Variants in PACRG observed in about 807,000 individuals in gnomAD.
The protein encoded by PACRG is parkin coregulated.
In PACRG, 29 loss-of-function variants were observed where a neutral mutation model predicts 29.7. That is an observed-to-expected ratio of 0.98 (90% CI 0.73 to 1.33). The LOEUF (loss-of-function observed/expected upper bound fraction) is 1.33. Ranked by LOEUF, PACRG falls within the 40% of genes most tolerant of loss-of-function variation. PACRG has a pLI of 0.00. For missense variants in PACRG, 279 were observed against 316.2 expected (o/e 0.88, Z 0.89); for synonymous variants, 116 against 118.7 (o/e 0.98, Z 0.15).
intron 2 of PACRG, among the ~76,000 whole-genome samples, chr6:162,861,147 A>G (rs537234689): frequency 5.1e-4 from 78 of 152,352 alleles, no homozygotes; most frequent in Non-Finnish European, 6.5e-4. Flanking sequence ...GAACATTTAA[A>G]TATATAACTT....
chr6:162,773,414 A>G (rs1172496763), intron 1 of PACRG, among the ~76,000 whole-genome samples: 2 of 152,010 alleles, frequency 1.3e-5, no homozygotes, highest in Non-Finnish European at 2.9e-5. Flanking sequence ...AGATATTAAT[A>G]ATACTAGATA....
chr6:163,128,336 G>A (rs1251820264), intron 4 of PACRG, among the ~76,000 whole-genome samples: 1 of 152,186 alleles, frequency 6.6e-6, no homozygotes, highest in Non-Finnish European at 1.5e-5. Context: ...TTACTTAAAG[G>A]CACTAAGTAT....
intron 4 of PACRG, chr6:163,182,839 G>A (rs953957969): frequency 2.1e-4 from 32 of 152,278 alleles, no homozygotes; most frequent in African/African-American, 7.5e-4. Flanking sequence ...TTATTTAATG[G>A]TCTTGACTCT....
intron 4 of PACRG, among the ~76,000 whole-genome samples, chr6:163,210,770 T>C (rs1174864736): frequency 6.6e-6 from 1 of 152,144 alleles, no homozygotes; most frequent in Non-Finnish European, 1.5e-5. Flanking sequence ...AAAGGAAAAC[T>C]CTCTTCAGTT....
At chr6:163,205,400 A>C (rs1008627599) in intron 4 of PACRG, among the ~76,000 whole-genome samples, 1 of 152,188 alleles carries the variant, frequency 6.6e-6, no homozygotes, top group Non-Finnish European at 1.5e-5. Flanking sequence ...GACAGCCCAG[A>C]AATAAGGCTG....
intron 2 of PACRG, among the ~76,000 whole-genome samples, chr6:162,904,581 A>C (rs2128064005): frequency 6.6e-6 from 1 of 152,318 alleles, no homozygotes; most frequent in African/African-American, 2.4e-5. Flanking sequence ...ATGAATGAAG[A>C]AGACTTTTAG....
At chr6:163,210,602 T>A (rs1384628016) in intron 4 of PACRG, among the ~76,000 whole-genome samples, 2 of 152,202 alleles carry the variant, frequency 1.3e-5, no homozygotes, top group Non-Finnish European at 2.9e-5. Context: ...TGCAGAGGCA[T>A]GTTGAAGGGA....
intron 1 of PACRG, among the ~76,000 whole-genome samples, chr6:162,778,457 A>T (rs951888463): frequency 6.6e-6 from 1 of 152,198 alleles, no homozygotes; most frequent in African/African-American, 2.4e-5. Flanking sequence ...GGGCTATACT[A>T]GGTGTTTTAC....
At chr6:162,935,038 G>A in intron 2 of PACRG, among the ~76,000 whole-genome samples, 1 of 152,264 alleles carries the variant, frequency 6.6e-6, no homozygotes, top group East Asian at 1.9e-4. Flanking sequence ...TATGGTTTCT[G>A]TTGAGAAATC....
chr6:163,019,816 T>C (rs115035571), intron 2 of PACRG, among the ~76,000 whole-genome samples: 1,903 of 152,322 alleles, frequency 0.012, 47 homozygotes, highest in African/African-American at 0.042. Context: ...ATGAGGGGAT[T>C]TGGAGAGATT....
rs191685224 is a variant in PACRG, at chr6:163,304,707, G to A, written c.614-10120G>A. On this transcript the variant is annotated intron_variant, in intron 4 of 4. Coordinates refer to ENST00000366888, the MANE Select transcript of PACRG (RefSeq NM_001080379.2). ...GAAGAGGAGAGCATATTCCCATGGG[G>A]AATTTAGGCATGAATGAAAATTTCA... is the stretch of plus-strand genomic sequence containing the variant. 2.0e-5 allele frequency among the ~76,000 whole-genome samples: 3 copies of A among 152,282 alleles called. No individual in the cohort carries two copies. The East Asian group carries it at 5.8e-4, about 29-fold the overall frequency.
At chr6:163,091,179 TC>T (rs1186942381) in intron 4 of PACRG, among the ~76,000 whole-genome samples, 1 of 152,208 alleles carries the variant, frequency 6.6e-6, no homozygotes, top group Non-Finnish European at 1.5e-5. Flanking sequence ...TCAGTGATGT[TC>T]AAAGGACAAT....
intron 4 of PACRG, chr6:163,311,060 T>C (rs1313522557): frequency 6.6e-6 from 1 of 152,224 alleles, no homozygotes; most frequent in Non-Finnish European, 1.5e-5. Flanking sequence ...ATATTATTCA[T>C]GCTTAAACTG....
At chr6:163,107,975 G>A (rs1370831183) in intron 4 of PACRG, among the ~76,000 whole-genome samples, 1 of 152,082 alleles carries the variant, frequency 6.6e-6, no homozygotes, top group Non-Finnish European at 1.5e-5. Context: ...GCTTTCCTCC[G>A]AATGTGTAAA....
chr6:162,957,352 G>T, intron 2 of PACRG: 1 of 617,172 alleles, frequency 1.6e-6, no homozygotes, highest in Non-Finnish European at 2.8e-6. Flanking sequence ...ACCACCACAG[G>T]CCCTGCTGAC....
chr6:162,759,179 G>A (rs1782159301), intron 1 of PACRG, among the ~76,000 whole-genome samples: 1 of 152,196 alleles, frequency 6.6e-6, no homozygotes, highest in Admixed American at 6.5e-5. Context: ...AATTCATCTT[G>A]TTTATTAACC....
Position 162,741,509 on chromosome 6 carries a change from A to ATC in PACRG, c.156+13140_156+13141dup, listed in dbSNP as rs57619507. 2.0e-3 allele frequency among the ~76,000 whole-genome samples: 292 copies of ATC among 149,270 alleles called. 1 individual carries two copies. The highest frequency in any genetic ancestry group is 5.1e-3 in the African/African-American group (208 of 40,844). ...CTCCATACATGTTTGTGAGGAGAGC[A>ATC]TCTCTCTCTCTCTCTCTCTCTCTTT... On this transcript the variant is annotated intron_variant, in intron 1 of 4. Coordinates refer to ENST00000366888, the MANE Select transcript of PACRG (RefSeq NM_001080379.2).
chr6:162,804,844 C>T (rs2175896), intron 1 of PACRG, among the ~76,000 whole-genome samples: 1 of 151,938 alleles, frequency 6.6e-6, no homozygotes, highest in Non-Finnish European at 1.5e-5. Flanking sequence ...GTCATGTATT[C>T]CTTAAATGTG....
At chr6:163,279,708 T>G (rs1784163810) in intron 4 of PACRG, among the ~76,000 whole-genome samples, 1 of 152,172 alleles carries the variant, frequency 6.6e-6, no homozygotes. Flanking sequence ...TGAATATCCT[T>G]CCTCTAATAA....
Sources: gnomAD v4.1 joint callset for allele counts (sites outside exome capture counted in the v4.1 genomes callset) on GRCh38, gnomAD v4.1.1 for gene constraint, MANE v1.5 for transcripts, NCBI Gene and HGNC (gene_info 2026-07-23, HGNC 2026-07-21) for gene names.